Variants in SLC39A8 observed in about 807,000 individuals in gnomAD.
The protein encoded by SLC39A8 is solute carrier family 39 member 8.
In SLC39A8, 15 loss-of-function variants were observed where a neutral mutation model predicts 40.4. The observed-to-expected ratio is 0.37, with a 90% CI of 0.25 to 0.57. The LOEUF is 0.57. Among genes scored for constraint, SLC39A8 ranks in the 20% least tolerant of loss-of-function variants. The pLI is 0.75. For synonymous variants in SLC39A8, 223 were observed against 221.6 expected (o/e 1.01, Z -0.06); for missense variants, 472 against 558.8 (o/e 0.84, Z 1.57).
chr4:102,315,952 A>G, intron 2 of SLC39A8, 122 bp from the exon 3 acceptor site: 1 of 765,676 alleles, frequency 1.3e-6, no homozygotes, highest in Non-Finnish European at 1.8e-6. Context: ...ACAAAAGCCC[A>G]CCACAGAAAT....
intron 3 of SLC39A8, among the ~76,000 whole-genome samples, chr4:102,311,352 A>G (rs1463167581): frequency 1.3e-5 from 2 of 152,170 alleles, no homozygotes; most frequent in African/African-American, 4.8e-5. Flanking sequence ...ATTAGTAAGT[A>G]GACCATGATA....
chr4:102,252,322 T>G (rs1020603505), exon 12 of SLC39A8: 1 of 152,346 alleles, frequency 6.6e-6, no homozygotes, highest in African/African-American at 2.4e-5. Flanking sequence ...CTTCTAATGA[T>G]GAGAAAAGTT....
At chr4:102,313,120 A>AT (rs1446341992) in intron 3 of SLC39A8, among the ~76,000 whole-genome samples, 1 of 152,144 alleles carries the variant, frequency 6.6e-6, no homozygotes, top group Non-Finnish European at 1.5e-5. Context: ...TTGATAAATG[A>AT]TACTTGGTGA....
chr4:102,257,624 G>A (rs1471983022), downstream of SLC39A8, among the ~76,000 whole-genome samples: 1 of 152,144 alleles, frequency 6.6e-6, no homozygotes, highest in African/African-American at 2.4e-5. Context: ...GTCAGTCTCT[G>A]GAGGCAAAAA....
At chr4:102,266,831 C>T (rs1353046275) in intron 8 of SLC39A8, among the ~76,000 whole-genome samples, 5 of 152,134 alleles carry the variant, frequency 3.3e-5, no homozygotes, top group African/African-American at 1.2e-4. Flanking sequence ...TGGTCTAGAT[C>T]TCTTGACCTT....
At chr4:102,338,890 C>T (rs934011124) in intron 2 of SLC39A8, among the ~76,000 whole-genome samples, 9 of 151,962 alleles carry the variant, frequency 5.9e-5, no homozygotes, top group African/African-American at 2.2e-4. Context: ...GGGAGTAATG[C>T]CACACAGTAA....
At chr4:102,336,628 C>T (rs1735684196) in intron 2 of SLC39A8, among the ~76,000 whole-genome samples, 1 of 152,174 alleles carries the variant, frequency 6.6e-6, no homozygotes, top group Admixed American at 6.5e-5. Flanking sequence ...CACCTTTAAT[C>T]TAGACTCAAC....
At chr4:102,280,455 A>C (rs1732820683) in intron 6 of SLC39A8, among the ~76,000 whole-genome samples, 1 of 152,242 alleles carries the variant, frequency 6.6e-6, no homozygotes, top group East Asian at 1.9e-4. Context: ...AAAAAGTAAC[A>C]AAAGGATTAC....
intron 6 of SLC39A8, among the ~76,000 whole-genome samples, chr4:102,272,535 G>A (rs1271802991): frequency 4.6e-5 from 7 of 152,148 alleles, no homozygotes; most frequent in African/African-American, 1.7e-4. Flanking sequence ...AGTGAGCTAT[G>A]ATTGCGCCAC....
intron 2 of SLC39A8, among the ~76,000 whole-genome samples, chr4:102,316,120 G>C (rs1182905557): frequency 6.6e-6 from 1 of 151,966 alleles, no homozygotes; most frequent in Non-Finnish European, 1.5e-5. Context: ...TTTAAAATAG[G>C]GGTGCACCAA....
intron 11 of SLC39A8, among the ~76,000 whole-genome samples, chr4:102,255,936 A>C (rs576810189): frequency 1.3e-5 from 2 of 152,216 alleles, no homozygotes; most frequent in Non-Finnish European, 2.9e-5. Context: ...TCTCACGTGC[A>C]TCCTTCTACG....
intron 6 of SLC39A8, among the ~76,000 whole-genome samples, chr4:102,296,918 G>A (rs1733701370): frequency 6.6e-6 from 1 of 152,078 alleles, no homozygotes; most frequent in African/African-American, 2.4e-5. Context: ...TAAACTATAG[G>A]AATGGCTCAG....
Position 102,344,620 on chromosome 4 carries a change from C to G in SLC39A8, c.43G>C (p.Ala15Pro). 6.5e-7 allele frequency: 1 copy of G among 1,539,856 alleles called. No homozygotes were observed. The highest frequency in any genetic ancestry group is 1.2e-5 in the South Asian group (1 of 82,424). Residue 15 changes from alanine to proline, a missense_variant, in exon 2 of 9, where the codon GCC becomes CCC. Physicochemically the swap from Ala to Pro is conservative, Grantham distance 27 (BLOSUM62 -1). Transcript: ENST00000356736. ...RAVAGLLLLA[A>P]AGLGGVAEGP... is the part of the protein sequence containing the mutation. ...TCCGCCACTCCTCCGAGGCCGGCGG[C>G]CGCCAGCAACAGGAGCCCGGCCACC...
chr4:102,312,035 T>C (rs1406492504), intron 3 of SLC39A8, among the ~76,000 whole-genome samples: 1 of 152,078 alleles, frequency 6.6e-6, no homozygotes, highest in Non-Finnish European at 1.5e-5. Context: ...TGCCAGGCAT[T>C]GTTCTAGGCA....
chr4:102,268,866 A>G (rs1181701214), intron 6 of SLC39A8, among the ~76,000 whole-genome samples: 1 of 152,250 alleles, frequency 6.6e-6, no homozygotes, highest in Non-Finnish European at 1.5e-5. Flanking sequence ...AAAATTGTAC[A>G]AAATCAAATG....
intron 6 of SLC39A8, among the ~76,000 whole-genome samples, chr4:102,273,808 G>A (rs1732485713): frequency 6.6e-6 from 1 of 152,182 alleles, no homozygotes; most frequent in Non-Finnish European, 1.5e-5. Flanking sequence ...GGCAAACAGG[G>A]GATGGAGTGG....
intron 11 of SLC39A8, among the ~76,000 whole-genome samples, chr4:102,254,529 A>G (rs1378289546): frequency 6.6e-6 from 1 of 152,242 alleles, no homozygotes; most frequent in African/African-American, 2.4e-5. Flanking sequence ...TTATTTCAAC[A>G]CTAACCTAGA....
At chr4:102,267,708 GT>G (rs10685391) in intron 7 of SLC39A8, 34 bp from the exon 8 acceptor site, 450 of 1,405,448 alleles carry the variant, frequency 3.2e-4, no homozygotes, top group African/African-American at 5.6e-4. Context: ...CAAGTGAATA[GT>G]TTTTTTTTTA....
rs567534451 is a variant in SLC39A8 at position 102,310,413 on chromosome 4, T to G, written c.383-2808A>C. Among the ~76,000 whole-genome samples, 3 of 152,272 alleles carry G rather than the reference T, an allele frequency of 2.0e-5. No homozygotes were observed. The South Asian group carries it at 6.2e-4, about 32-fold the overall frequency. On this transcript the variant is annotated intron_variant, in intron 3 of 8. Transcript: ENST00000356736. ...GATTCTCAATGAGAAGGGCTATGTTTTATTCATCCTCAGTGCCTAGAAAAT... is the reference window on the plus strand; with the variant it reads ...GATTCTCAATGAGAAGGGCTATGTTGTATTCATCCTCAGTGCCTAGAAAAT...
Sources: allele counts gnomAD v4.1 joint callset (sites outside exome capture counted in the v4.1 genomes callset), GRCh38; gene constraint gnomAD v4.1.1; transcripts MANE v1.5; gene names NCBI Gene and HGNC (gene_info 2026-07-23, HGNC 2026-07-21).